Variants in RASEF observed in about 807,000 individuals in gnomAD.
RASEF encodes RAS and EF-hand domain containing.
RASEF carries 68 observed loss-of-function variants against 90.1 expected under a neutral mutation model. That is an observed-to-expected ratio of 0.75 (90% CI 0.62 to 0.92). The LOEUF (loss-of-function observed/expected upper bound fraction) is 0.92, where lower values mean the gene tolerates loss of function less well. Ranked by LOEUF, RASEF falls within the 40% of genes least tolerant of loss-of-function variation. The pLI is 0.00. For missense variants in RASEF, 949 were observed against 937.2 expected, an observed-to-expected ratio of 1.01 and a Z score of -0.16; for synonymous variants, 331 against 345.2, an observed-to-expected ratio of 0.96 and a Z score of 0.46.
At chr9:83,193,650 T>C in the RASEF span, among the ~76,000 whole-genome samples, 1 of 152,310 alleles carries the variant, frequency 6.6e-6, no homozygotes, top group East Asian at 1.9e-4. Context: ...CATATTAATA[T>C]CTAAATACAT....
the RASEF span, among the ~76,000 whole-genome samples, chr9:83,185,309 C>A: frequency 6.6e-6 from 1 of 151,662 alleles, no homozygotes; most frequent in Non-Finnish European, 1.5e-5. Context: ...AGAGGTGGAC[C>A]ATTAAAGGGC....
At chr9:82,987,822 A>G (rs1054189014) in intron 16 of RASEF, among the ~76,000 whole-genome samples, 7 of 152,340 alleles carry the variant, frequency 4.6e-5, no homozygotes, top group African/African-American at 1.7e-4. Context: ...TAGAGTTGCC[A>G]AAAGAAATAC....
At chr9:83,175,026 C>T in the RASEF span, among the ~76,000 whole-genome samples, 1 of 151,892 alleles carries the variant, frequency 6.6e-6, no homozygotes, top group Non-Finnish European at 1.5e-5. Context: ...ATAGTAAATT[C>T]CTTAGAATTT....
the RASEF span, among the ~76,000 whole-genome samples, chr9:83,194,852 T>C: frequency 6.6e-6 from 1 of 152,222 alleles, no homozygotes; most frequent in Non-Finnish European, 1.5e-5. Flanking sequence ...GCCCCTTTGA[T>C]ATGCCCCATT....
At chr9:83,173,470 A>G in the RASEF span, among the ~76,000 whole-genome samples, 6 of 151,550 alleles carry the variant, frequency 4.0e-5, no homozygotes, top group Non-Finnish European at 7.4e-5. Flanking sequence ...CAAATAGTCT[A>G]TCTTTCAGCT....
the RASEF span, among the ~76,000 whole-genome samples, chr9:83,124,462 G>A: frequency 6.6e-6 from 1 of 152,204 alleles, no homozygotes; most frequent in Non-Finnish European, 1.5e-5. Context: ...GAGAATATCT[G>A]TGAAGGCTAT....
intron 1 of RASEF, among the ~76,000 whole-genome samples, chr9:83,035,594 C>T (rs750179655): frequency 3.3e-5 from 5 of 152,176 alleles, no homozygotes; most frequent in Non-Finnish European, 7.3e-5. Context: ...TATTTAAGAG[C>T]ACTTGCCTTG....
chr9:83,094,094 CTA>C, the RASEF span, among the ~76,000 whole-genome samples: 2 of 152,038 alleles, frequency 1.3e-5, no homozygotes, highest in Non-Finnish European at 2.9e-5. Flanking sequence ...AACCATGAAA[CTA>C]TTTGCTTTGT....
chr9:83,019,111 GA>G (rs1829397572), intron 3 of RASEF, among the ~76,000 whole-genome samples: 1 of 151,956 alleles, frequency 6.6e-6, no homozygotes, highest in African/African-American at 2.4e-5. Context: ...TATGGTCCAT[GA>G]AAAAAAGTAT....
the RASEF span, among the ~76,000 whole-genome samples, chr9:83,151,794 A>G: frequency 6.6e-6 from 1 of 152,178 alleles, no homozygotes; most frequent in Non-Finnish European, 1.5e-5. Context: ...CCAGGGAAAA[A>G]CTTCCTACAG....
At chr9:83,021,023 G>A (rs1241241358) in intron 3 of RASEF, among the ~76,000 whole-genome samples, 1 of 152,122 alleles carries the variant, frequency 6.6e-6, no homozygotes, top group Admixed American at 6.5e-5. Flanking sequence ...CTTTTTATAA[G>A]AAGATAGGAC....
In RASEF at chr9:82,982,496, G is replaced by A. The variant is rs1828625614; in HGVS notation, c.*181C>T. On this transcript the variant is annotated 3_prime_UTR_variant, in exon 17 of 17. Coordinates refer to ENST00000376447, the MANE Select transcript of RASEF (RefSeq NM_152573.4). The stretch of plus-strand genomic sequence containing the variant: ...AGCCAGAGGGCCCAAATCACTCACT[G>A]AGACAAAACAAAGAAGAGCCAAAGT... 3.8e-6 allele frequency: 2 copies of A among 532,820 alleles called. No homozygotes were observed. The highest frequency in any genetic ancestry group is 2.3e-5 in the South Asian group (1 of 42,780). 33.0% of individuals were successfully genotyped at this position (532,820 alleles called of 1,614,324 possible). A position where few individuals can be genotyped will look rare whatever the true frequency, so the allele number is the denominator to read the frequency against.
In RASEF at chr9:83,015,823, G is replaced by A; in HGVS notation, c.747C>T (p.Thr249=). 1 of 1,613,250 alleles carries A rather than the reference G, an allele frequency of 6.2e-7. No individual in the cohort carries two copies. The highest frequency in any genetic ancestry group is 8.5e-7 in the Non-Finnish European group (1 of 1,179,260). Residue 249 remains threonine, a synonymous_variant, in exon 4 of 17, where the codon ACC becomes ACT. Transcript: ENST00000376447. The part of the protein sequence containing the change: ...YETEVGDLQV[T]IKKLRKLEEQ... ...TGCCTACCTTTCTTAGCTTTTTAATGGTCACCTGCAGATCTCCTACTTCAG... is the reference window on the plus strand; with the variant it reads ...TGCCTACCTTTCTTAGCTTTTTAATAGTCACCTGCAGATCTCCTACTTCAG...
At chr9:82,993,068 G>C in intron 14 of RASEF, 43 bp from the exon 15 acceptor site, 1 of 1,595,962 alleles carries the variant, frequency 6.3e-7, no homozygotes, top group African/African-American at 1.3e-5. Context: ...TCAAACACTG[G>C]ACACATTACG....
At chr9:83,143,389 A>G in the RASEF span, among the ~76,000 whole-genome samples, 1 of 152,142 alleles carries the variant, frequency 6.6e-6, no homozygotes, top group Non-Finnish European at 1.5e-5. Flanking sequence ...GGAAAAACAA[A>G]TAACCCCATT....
chr9:83,020,682 T>A (rs1829425998), intron 3 of RASEF, among the ~76,000 whole-genome samples: 1 of 152,004 alleles, frequency 6.6e-6, no homozygotes, highest in Admixed American at 6.6e-5. Context: ...CTAAAGAAGA[T>A]CCTGTAATTA....
intron 14 of RASEF, 70 bp from the exon 15 acceptor site, chr9:82,993,095 AG>A (rs1307453301): frequency 6.6e-7 from 1 of 1,515,970 alleles, no homozygotes; most frequent in Non-Finnish European, 9.0e-7. Flanking sequence ...ACAGAACAAC[AG>A]CAACAGCAAT....
chr9:83,144,863 A>T, the RASEF span, among the ~76,000 whole-genome samples: 1 of 152,214 alleles, frequency 6.6e-6, no homozygotes, highest in Non-Finnish European at 1.5e-5. Flanking sequence ...ATACATTTTA[A>T]ATCAGAATGA....
the RASEF span, among the ~76,000 whole-genome samples, chr9:83,073,544 T>G: frequency 6.6e-6 from 1 of 152,192 alleles, no homozygotes; most frequent in Non-Finnish European, 1.5e-5. Context: ...TTTCTAGAGA[T>G]TCATGTCTAA....
Sources: allele counts gnomAD v4.1 joint callset (sites outside exome capture counted in the v4.1 genomes callset), GRCh38; gene constraint gnomAD v4.1.1; transcripts MANE v1.5; gene names NCBI Gene and HGNC (gene_info 2026-07-23, HGNC 2026-07-21).